PTBP2: variants seen among roughly 807,000 people sequenced by gnomAD.
The protein encoded by PTBP2 is polypyrimidine tract-binding protein 2.
Under a neutral mutation model 61.4 loss-of-function variants are expected in PTBP2, and 13 were observed. That is an observed-to-expected ratio of 0.21 (90% confidence interval 0.14 to 0.34). The LOEUF is 0.34. Ranked by LOEUF, PTBP2 falls within the 10% of genes least tolerant of loss-of-function variation. PTBP2 has a pLI of 1.00. For synonymous variants in PTBP2, 215 were observed against 218.5 expected (o/e 0.98, Z 0.14); for missense variants, 405 against 642.6 (o/e 0.63, Z 4.00).
At chr1:96,805,955 A>G (rs547824254) in intron 9 of PTBP2, among the ~76,000 whole-genome samples, 1 of 152,124 alleles carries the variant, frequency 6.6e-6, no homozygotes, top group Non-Finnish European at 1.5e-5. Context: ...GGATGACTAC[A>G]TTTTACTCAG....
At position 96,745,169 on chromosome 1, in the gene PTBP2, A is replaced by G. The variant is rs530266939; in HGVS notation, c.40-6256A>G. 1.7e-4 allele frequency among the ~76,000 whole-genome samples: 23 copies of G among 138,892 alleles called. 1 individual carries two copies. In the East Asian group the frequency reaches 2.8e-3, roughly 17 times the overall value. 91.1% of individuals were successfully genotyped at this position (138,892 alleles called of 152,430 possible). ...TATTGTATATTCCATATGCAGCAAT[A>G]TTGCTTTTTTTTTTTTAGAGTCTTG... On this transcript the variant is annotated intron_variant, in intron 2 of 13. Transcript: ENST00000674951.
chr1:96,763,201 C>T (rs1487978683), intron 3 of PTBP2, among the ~76,000 whole-genome samples: 5 of 152,118 alleles, frequency 3.3e-5, no homozygotes, highest in African/African-American at 4.8e-5. Flanking sequence ...GCTGCAATCT[C>T]GGCACTTTGG....
intron 8 of PTBP2, among the ~76,000 whole-genome samples, chr1:96,792,575 G>C (rs575617517): frequency 6.6e-6 from 1 of 151,946 alleles, no homozygotes; most frequent in South Asian, 2.1e-4. Context: ...AAAAATTTAA[G>C]TCCCATCATT....
Position 96,739,618 on chromosome 1 carries a change from G to GGTTTTTTTTTTTTTTTTTTTTT in PTBP2, c.40-11807_40-11806insGTTTTTTTTTTTTTTTTTTTTT, listed in dbSNP as rs1232683663. Among the ~76,000 whole-genome samples the GGTTTTTTTTTTTTTTTTTTTTT allele has an allele frequency of 7.2e-5, 6 of 83,802 alleles. 2 individuals are homozygous for GGTTTTTTTTTTTTTTTTTTTTT. The highest frequency in any genetic ancestry group is 4.0e-4 in the South Asian group (1 of 2,482). The allele number at this position is 83,802 out of a possible 152,430, so 55.0% of individuals were successfully genotyped here. ...GCTACAAAATCTGAAACTGGTGTGT[G>GGTTTTTTTTTTTTTTTTTTTTT]TTTTTTTTTTTTTTTTTTTTTTTTT... On this transcript the variant is annotated intron_variant, in intron 2 of 13. Coordinates refer to ENST00000674951, the MANE Select transcript of PTBP2 (RefSeq NM_021190.4).
At chr1:96,820,693 G>C (rs896423691) in exon 14 of PTBP2, 3 of 151,638 alleles carry the variant, frequency 2.0e-5, no homozygotes, top group African/African-American at 7.3e-5. Context: ...TCTTTTTCAA[G>C]ATAAAGTCAT....
intron 2 of PTBP2, among the ~76,000 whole-genome samples, chr1:96,740,296 G>A (rs1024161358): frequency 6.6e-6 from 1 of 152,164 alleles, no homozygotes; most frequent in Admixed American, 6.5e-5. Context: ...CTTTCCTTCT[G>A]AGGCCACTTC....
intron 8 of PTBP2, among the ~76,000 whole-genome samples, chr1:96,791,827 T>TTTTTTTGG (rs748206890): frequency 1.2e-5 from 1 of 81,954 alleles, no homozygotes; most frequent in Admixed American, 1.4e-4. Context: ...GGAGTTGTGC[T>TTTTTTTGG]TTTTTTTTTT....
chr1:96,762,446 T>G, intron 3 of PTBP2, among the ~76,000 whole-genome samples: 1 of 140,988 alleles, frequency 7.1e-6, no homozygotes, highest in African/African-American at 2.7e-5. Flanking sequence ...GGCGGGGGGC[T>G]GACCCCCCCA....
chr1:96,741,670 TA>T (rs1327941769), intron 2 of PTBP2, among the ~76,000 whole-genome samples: 1 of 152,164 alleles, frequency 6.6e-6, no homozygotes, highest in Non-Finnish European at 1.5e-5. Flanking sequence ...GTTTTTCTTT[TA>T]AAAAAACATT....
intron 3 of PTBP2, among the ~76,000 whole-genome samples, chr1:96,752,233 A>G (rs958572793): frequency 3.3e-5 from 5 of 151,972 alleles, no homozygotes; most frequent in African/African-American, 1.2e-4. Context: ...GATTATTATT[A>G]TTATCAAATG....
At chr1:96,798,076 TAAAAAA>T (rs563043412) in intron 8 of PTBP2, among the ~76,000 whole-genome samples, 2 of 110,326 alleles carry the variant, frequency 1.8e-5, no homozygotes, top group Non-Finnish European at 3.9e-5. Context: ...ACTCTGTCTC[TAAAAAA>T]AAAAAAAAAA....
At chr1:96,785,923 G>A (rs1484097902) in intron 8 of PTBP2, among the ~76,000 whole-genome samples, 3 of 151,982 alleles carry the variant, frequency 2.0e-5, no homozygotes, top group Non-Finnish European at 4.4e-5. Context: ...TCAAGATGAA[G>A]AAAAAAATAA....
At chr1:96,797,390 G>A (rs1162854064) in intron 8 of PTBP2, among the ~76,000 whole-genome samples, 1 of 152,208 alleles carries the variant, frequency 6.6e-6, no homozygotes, top group Non-Finnish European at 1.5e-5. Flanking sequence ...GTTAGTGGTA[G>A]AAGAGAATGG....
intron 3 of PTBP2, among the ~76,000 whole-genome samples, chr1:96,756,490 A>G (rs980367559): frequency 3.9e-5 from 6 of 152,234 alleles, no homozygotes; most frequent in Admixed American, 6.5e-5. Flanking sequence ...AAAGTAGCAC[A>G]TGGATGTTTA....
At chr1:96,818,595 C>A (rs1362461715), downstream of PTBP2, 2 of 152,026 alleles carry the variant, frequency 1.3e-5, no homozygotes, top group Non-Finnish European at 2.9e-5. Context: ...GAAACTCAGT[C>A]TATGAGCCTA....
rs1662356891 is a variant in PTBP2, at chr1:96,814,500, A to C, written c.*1095A>C. The C allele has an allele frequency of 6.6e-6, 1 of 152,518 alleles. No individual in the cohort carries two copies. Among genetic ancestry groups the C allele is most frequent in the Admixed American group, 6.6e-5 (1 of 15,252 alleles). The allele number at this position is 152,518 out of a possible 1,614,324, so 9.4% of individuals were successfully genotyped here. A position where few individuals can be genotyped will look rare whatever the true frequency, so the allele number is the denominator to read the frequency against. Reference sequence around the variant, plus strand: ...TGCATTGTAATATTCAGTTTTAATAAATCTTCAAAATATTTTGTATTTAGG... The same window carrying C: ...TGCATTGTAATATTCAGTTTTAATACATCTTCAAAATATTTTGTATTTAGG... On this transcript the variant is annotated 3_prime_UTR_variant, in exon 14 of 14. Transcript: ENST00000674951.
intron 2 of PTBP2, chr1:96,749,725 T>C (rs550307090): frequency 8.9e-6 from 4 of 450,924 alleles, no homozygotes; most frequent in African/African-American, 6.0e-5. Flanking sequence ...GTGGGGACAT[T>C]GTACTTGGTT....
In PTBP2 at chr1:96,797,671, G is replaced by T. The variant is rs192593150; in HGVS notation, c.905-7129G>T. ...ATGCTCAAGTTCCTTGCATAAAATGGTATAGTGTTTGCATGTGACCTATAC... is the reference window on the plus strand; with the variant it reads ...ATGCTCAAGTTCCTTGCATAAAATGTTATAGTGTTTGCATGTGACCTATAC... On this transcript the variant is annotated intron_variant, in intron 8 of 13. Coordinates refer to ENST00000674951, the MANE Select transcript of PTBP2 (RefSeq NM_021190.4). Among the ~76,000 whole-genome samples, 392 of 151,994 alleles carry T rather than the reference G, an allele frequency of 2.6e-3. 2 individuals are homozygous for T. Among genetic ancestry groups the T allele is most frequent in the African/African-American group, 9.3e-3 (384 of 41,436 alleles).
chr1:96,760,173 T>TAA (rs372077129), intron 3 of PTBP2, among the ~76,000 whole-genome samples: 5 of 147,720 alleles, frequency 3.4e-5, no homozygotes, highest in South Asian at 2.2e-4. Flanking sequence ...AAAGGACTTG[T>TAA]AAAAAAAAAA....
Sources: gnomAD v4.1 joint callset for allele counts (sites outside exome capture counted in the v4.1 genomes callset) on GRCh38, gnomAD v4.1.1 for gene constraint, MANE v1.5 for transcripts, NCBI Gene and HGNC (gene_info 2026-07-23, HGNC 2026-07-21) for gene names.